The following CYLC1 variants were observed in gnomAD, a reference collection of about 807,000 sequenced individuals.
CYLC1 encodes cylicin 1, also known as cylicin-1.
In CYLC1, 2 loss-of-function variants were observed where a neutral mutation model predicts 31.6. The observed-to-expected ratio is 0.06, with a 90% confidence interval of 0.03 to 0.20. The LOEUF is 0.20. CYLC1 is among the 10% of genes least tolerant of loss of function. The probability of loss-of-function intolerance (pLI) is 1.00; values close to 1 mark genes in which losing one functional copy is unlikely to be tolerated. For missense variants in CYLC1, 595 were observed against 424.1 expected (o/e 1.40, Z -3.54); for synonymous variants, 185 against 153.0 (o/e 1.21, Z -1.54).
chrX:83,873,692 G>C lies in CYLC1; in HGVS notation c.984G>C (p.Lys328Asn). Residue 328 changes from lysine to asparagine, a missense_variant, in exon 4 of 5, where the codon AAG becomes AAC. By Grantham distance (94) the Lys-to-Asn change is moderately conservative. Transcript: ENST00000329312. ...KKDDKKKDVK[K>N]DTESTDAESG... ...ATGACAAGAAAAAGGATGTAAAGAA[G>C]GACACAGAGTCTACTGATGCTGAAT... 8.3e-7 allele frequency: 1 copy of C among 1,199,289 alleles called. No individual in the cohort carries two copies. Among genetic ancestry groups the C allele is most frequent in the Non-Finnish European group, 1.1e-6 (1 of 888,439 alleles).
chrX:83,872,761 A>ACAG, intron 3 of CYLC1, 125 bp from the exon 4 acceptor site: 1 of 532,332 alleles, frequency 1.9e-6, no homozygotes, highest in African/African-American at 2.4e-5. Context: ...ACACAGACAC[A>ACAG]ACCTTGAAAG....
At chrX:83,875,748 T>G (rs1391025661) in intron 4 of CYLC1, among the ~76,000 whole-genome samples, 1 of 111,457 alleles carries the variant, frequency 9.0e-6, no homozygotes, top group Non-Finnish European at 1.9e-5. Flanking sequence ...GTCCCTATTC[T>G]ACATGTTTCC....
intron 4 of CYLC1, among the ~76,000 whole-genome samples, chrX:83,878,424 T>TATAA (rs2031852929): frequency 2.9e-4 from 1 of 3,470 alleles, no homozygotes; most frequent in Non-Finnish European, 5.6e-4. Flanking sequence ...TATATATAAA[T>TATAA]ATATATATAA....
Position 83,873,023 on chromosome X carries a change from T to C in CYLC1, c.315T>C (p.Thr105=). 8.3e-7 allele frequency: 1 copy of C among 1,204,472 alleles called. No individual in the cohort carries two copies. The highest frequency in any genetic ancestry group is 1.1e-6 in the Non-Finnish European group (1 of 892,221). ...REQTPFRHLY[T]SKTHLKKAEY... is the part of the protein sequence containing the mutation. The stretch of plus-strand genomic sequence containing the variant: ...AGACTCCATTCAGACATCTTTATAC[T>C]TCCAAAACCCATCTTAAAAAAGCAG... Residue 105 remains threonine, a synonymous_variant, in exon 4 of 5, where the codon ACT becomes ACC. Coordinates refer to ENST00000329312, the MANE Select transcript of CYLC1 (RefSeq NM_021118.3).
chrX:83,872,285 T>C (rs2031676527), intron 3 of CYLC1, among the ~76,000 whole-genome samples: 1 of 111,317 alleles, frequency 9.0e-6, no homozygotes, highest in African/African-American at 3.3e-5. Context: ...GAAAATAAAT[T>C]ACACCACTGC....
rs374942195 is a variant in CYLC1, at chrX:83,872,966, A to G, written c.258A>G (p.Gln86=). The G allele has an allele frequency of 5.8e-6, 7 of 1,200,715 alleles. No homozygotes were observed. The African/African-American group carries it at 1.1e-4, about 18-fold the overall frequency. Residue 86 remains glutamine, a synonymous_variant, in exon 4 of 5, where the codon CAA becomes CAG. Coordinates refer to ENST00000329312, the MANE Select transcript of CYLC1 (RefSeq NM_021118.3). ...GGCATTCTTTCAGAAAAATTTTGCA[A>G]TGGCCACCCATTTACACAGCTGCCA... ...WIRHSFRKIL[Q]WPPIYTAARE...
chrX:83,885,731 T>A (rs928469552), intron 4 of CYLC1, among the ~76,000 whole-genome samples: 3 of 108,593 alleles, frequency 2.8e-5, no homozygotes, highest in South Asian at 3.9e-4. Context: ...ATAATAAAAA[T>A]TTTTCAGAAG....
chrX:83,871,797 C>T (rs1352607946), intron 3 of CYLC1, among the ~76,000 whole-genome samples: 1 of 110,703 alleles, frequency 9.0e-6, no homozygotes, highest in African/African-American at 3.3e-5. Flanking sequence ...GAACCTAATA[C>T]TGCACCTGGC....
chrX:83,871,265 A>T (rs1240071137), intron 2 of CYLC1, among the ~76,000 whole-genome samples, 187 bp from the exon 3 acceptor site: 1 of 111,250 alleles, frequency 9.0e-6, no homozygotes, highest in Non-Finnish European at 1.9e-5. Context: ...TTCAATGATA[A>T]ATAAGAAAAA....
chrX:83,876,355 G>T (rs1430960292), intron 4 of CYLC1, among the ~76,000 whole-genome samples: 1 of 110,496 alleles, frequency 9.1e-6, no homozygotes, highest in Non-Finnish European at 1.9e-5. Flanking sequence ...AAAGTACACT[G>T]GGGAATAATT....
rs190670756 is a variant in CYLC1 at position 83,872,873 on chromosome X, C to A, written c.178-13C>A. 48 of 1,081,405 alleles carry A rather than the reference C, an allele frequency of 4.4e-5. No homozygotes were observed. In the East Asian group the frequency reaches 1.4e-3, roughly 32 times the overall value. The allele number at this position is 1,081,405 out of a possible 1,213,427, so 89.1% of individuals were successfully genotyped here. ...CATTCACAAATGCTTATTATTCTAACCAATCTTTTCAGAGACATGACAAAA... is the reference window on the plus strand; with the variant it reads ...CATTCACAAATGCTTATTATTCTAAACAATCTTTTCAGAGACATGACAAAA... On this transcript the variant is annotated splice_polypyrimidine_tract_variant and intron_variant, in intron 3 of 4. Transcript: ENST00000329312.
At chrX:83,882,491 T>C (rs1380655413) in intron 4 of CYLC1, among the ~76,000 whole-genome samples, 1 of 111,183 alleles carries the variant, frequency 9.0e-6, no homozygotes, top group Non-Finnish European at 1.9e-5. Flanking sequence ...GTCTTGTCTG[T>C]ACCTACATTA....
At chrX:83,878,380 TAA>T (rs2031847040) in intron 4 of CYLC1, among the ~76,000 whole-genome samples, 1 of 12,052 alleles carries the variant, frequency 8.3e-5, no homozygotes, top group Non-Finnish European at 1.5e-4. Context: ...AATATATATA[TAA>T]ATATATATAA....
intron 4 of CYLC1, among the ~76,000 whole-genome samples, chrX:83,881,269 T>C (rs888573857): frequency 9.0e-6 from 1 of 111,296 alleles, no homozygotes; most frequent in Non-Finnish European, 1.9e-5. Context: ...GTTCACTTTA[T>C]ACTTTTTATT....
intron 3 of CYLC1, 122 bp from the exon 4 acceptor site, chrX:83,872,764 C>A (rs1316309518): frequency 7.5e-6 from 4 of 530,465 alleles, no homozygotes; most frequent in Admixed American, 5.2e-5. Flanking sequence ...CAGACACAAC[C>A]TTGAAAGAGA....
chrX:83,880,668 T>C (rs762277456), intron 4 of CYLC1, among the ~76,000 whole-genome samples: 6 of 111,451 alleles, frequency 5.4e-5, no homozygotes, highest in Non-Finnish European at 1.1e-4. Flanking sequence ...GGGATATTAA[T>C]AAGACCTTCC....
At chrX:83,866,503 C>T (rs1036805424) in intron 1 of CYLC1, among the ~76,000 whole-genome samples, 6 of 110,650 alleles carry the variant, frequency 5.4e-5, no homozygotes, top group Non-Finnish European at 7.6e-5. Context: ...TAGATTTGTC[C>T]GTTTAATTCT....
At chrX:83,865,759 T>C (rs2031584248) in intron 1 of CYLC1, among the ~76,000 whole-genome samples, 1 of 111,463 alleles carries the variant, frequency 9.0e-6, no homozygotes, top group African/African-American at 3.3e-5. Flanking sequence ...AATCAAATCT[T>C]CTTTTACCTA....
Position 83,866,642 on chromosome X carries a change from C to T in CYLC1, c.18-3223C>T, listed in dbSNP as rs543545242. ...TCCAGCCATTAAAAAAAAGGTTCCT[C>T]CACAGATGTTTGTACACAAAATATT... On this transcript the variant is annotated intron_variant, in intron 1 of 4. Coordinates refer to ENST00000329312, the MANE Select transcript of CYLC1 (RefSeq NM_021118.3). 2.3e-4 allele frequency among the ~76,000 whole-genome samples: 25 copies of T among 110,958 alleles called. No homozygotes were observed. In the South Asian group the frequency reaches 9.5e-3, roughly 42 times the overall value.
Sources: gnomAD v4.1 joint callset for allele counts (sites outside exome capture counted in the v4.1 genomes callset) on GRCh38, gnomAD v4.1.1 for gene constraint, MANE v1.5 for transcripts, NCBI Gene and HGNC (gene_info 2026-07-23, HGNC 2026-07-21) for gene names.